TECRL: variants seen among roughly 807,000 people sequenced by gnomAD.
TECRL encodes trans-2,3-enoyl-CoA reductase-like.
Under a neutral mutation model 52.8 loss-of-function variants are expected in TECRL, and 63 were observed. The observed-to-expected ratio is 1.19, with a 90% confidence interval of 0.97 to 1.47. The LOEUF (loss-of-function observed/expected upper bound fraction) is 1.47, where lower values mean the gene tolerates loss of function less well. Among genes scored for constraint, TECRL ranks in the 40% most tolerant of loss-of-function variants. TECRL has a pLI of 0.00. For missense variants in TECRL, 482 were observed against 429.6 expected, an observed-to-expected ratio of 1.12 and a Z score of -1.08; for synonymous variants, 164 against 141.9, an observed-to-expected ratio of 1.16 and a Z score of -1.10.
chr4:64,312,908 CTT>C (rs917217005), intron 5 of TECRL, among the ~76,000 whole-genome samples: 14 of 152,258 alleles, frequency 9.2e-5, no homozygotes, highest in African/African-American at 1.2e-4. Flanking sequence ...CTTCCAATCT[CTT>C]TATCCCAGCC....
intron 1 of TECRL, among the ~76,000 whole-genome samples, chr4:64,395,228 A>AT (rs1329966502): frequency 6.6e-6 from 1 of 151,960 alleles, no homozygotes; most frequent in Non-Finnish European, 1.5e-5. Flanking sequence ...CCAAACGTGA[A>AT]TTTTTTTAAG....
intron 8 of TECRL, among the ~76,000 whole-genome samples, chr4:64,294,749 T>A (rs1723585417): frequency 6.6e-6 from 1 of 152,080 alleles, no homozygotes; most frequent in African/African-American, 2.4e-5. Context: ...TTATTATTAT[T>A]TTATCTATAG....
At chr4:64,399,859 G>T (rs1276637215) in intron 1 of TECRL, among the ~76,000 whole-genome samples, 6 of 152,158 alleles carry the variant, frequency 3.9e-5, no homozygotes, top group African/African-American at 1.2e-4. Context: ...ACCTCTACTA[G>T]GGCAGTGGGA....
chr4:64,324,365 G>T (rs894231345), intron 3 of TECRL, among the ~76,000 whole-genome samples: 1 of 151,592 alleles, frequency 6.6e-6, no homozygotes, highest in South Asian at 2.1e-4. Flanking sequence ...ATACCAAAAT[G>T]GATTAATCTC....
At chr4:64,304,248 T>C (rs1200392306) in intron 7 of TECRL, among the ~76,000 whole-genome samples, 1 of 151,856 alleles carries the variant, frequency 6.6e-6, no homozygotes, top group Non-Finnish European at 1.5e-5. Context: ...AATCAGAAGA[T>C]ATAGGAAATT....
chr4:64,291,513 G>A (rs1382100245), intron 8 of TECRL, among the ~76,000 whole-genome samples: 2 of 151,794 alleles, frequency 1.3e-5, no homozygotes, highest in Non-Finnish European at 2.9e-5. Context: ...AAAGCAAGTT[G>A]TTACCAAAAT....
At chr4:64,277,189 T>C, downstream of TECRL, 1 of 510,830 alleles carries the variant, frequency 2.0e-6, no homozygotes. Flanking sequence ...TAAGGGAGTG[T>C]AGTATAATGG....
chr4:64,277,666 T>C (rs1234126500), downstream of TECRL: 2 of 151,860 alleles, frequency 1.3e-5, no homozygotes, highest in Non-Finnish European at 3.0e-5. Flanking sequence ...TAGTTGTATA[T>C]GTATATATTG....
At chr4:64,355,070 T>C (rs1160591432) in intron 2 of TECRL, among the ~76,000 whole-genome samples, 26 of 152,180 alleles carry the variant, frequency 1.7e-4, no homozygotes, top group Admixed American at 1.7e-3. Flanking sequence ...AGAATTATAA[T>C]TTCACTTATT....
chr4:64,402,555 A>G (rs1332561903), intron 1 of TECRL, among the ~76,000 whole-genome samples: 2 of 152,084 alleles, frequency 1.3e-5, no homozygotes, highest in African/African-American at 4.8e-5. Flanking sequence ...AGGAGTTGTC[A>G]TCTCTTTTGG....
chr4:64,405,350 A>G (rs1724636212), intron 1 of TECRL, among the ~76,000 whole-genome samples: 1 of 152,254 alleles, frequency 6.6e-6, no homozygotes, highest in African/African-American at 2.4e-5. Flanking sequence ...GAGTGCTAGA[A>G]GTAGAAGGGT....
rs147000135 is a variant in TECRL, at chr4:64,351,756, C to G, written c.287-23200G>C. Among the ~76,000 whole-genome samples the G allele has an allele frequency of 1.6e-3, 240 of 152,164 alleles. 1 individual carries two copies. Among genetic ancestry groups the G allele is most frequent in the African/African-American group, 5.5e-3 (227 of 41,518 alleles). On this transcript the variant is annotated intron_variant, in intron 2 of 11. Transcript: ENST00000381210. Reference sequence around the variant, plus strand: ...AAAGATTTTAAAACATTGTACATGACAAACATTTTTAATAAAAAGCGTGGC... The same window carrying G: ...AAAGATTTTAAAACATTGTACATGAGAAACATTTTTAATAAAAAGCGTGGC...
intron 10 of TECRL, 66 bp downstream of exon 10, chr4:64,281,408 A>T: frequency 1.1e-6 from 1 of 927,496 alleles, no homozygotes; most frequent in African/African-American, 1.7e-5. Context: ...ACATGTAAAT[A>T]CATAAGCACA....
intron 8 of TECRL, among the ~76,000 whole-genome samples, chr4:64,291,816 G>A (rs1237198939): frequency 6.6e-6 from 1 of 151,832 alleles, no homozygotes; most frequent in Non-Finnish European, 1.5e-5. Flanking sequence ...CAAAAAATAT[G>A]AGAGAGAAAG....
intron 9 of TECRL, among the ~76,000 whole-genome samples, chr4:64,288,389 T>A (rs1266393874): frequency 1.3e-5 from 2 of 152,098 alleles, no homozygotes; most frequent in Admixed American, 6.6e-5. Context: ...GAGAAGTTGC[T>A]GAAGAACTCA....
chr4:64,276,862 C>T, downstream of TECRL: 1 of 400,736 alleles, frequency 2.5e-6, no homozygotes, highest in Non-Finnish European at 4.5e-6. Context: ...CACACATACC[C>T]ATATACATAT....
chr4:64,360,667 C>G (rs1721115670), intron 2 of TECRL, among the ~76,000 whole-genome samples: 2 of 152,002 alleles, frequency 1.3e-5, no homozygotes, highest in Admixed American at 1.3e-4. Context: ...GACACAGATC[C>G]TGGGTTAAAA....
chr4:64,380,146 T>C (rs1452889219), intron 1 of TECRL, among the ~76,000 whole-genome samples: 1 of 152,088 alleles, frequency 6.6e-6, no homozygotes, highest in Non-Finnish European at 1.5e-5. Flanking sequence ...TCCCTTATGT[T>C]AGTGATGTTG....
intron 1 of TECRL, among the ~76,000 whole-genome samples, chr4:64,398,581 C>T (rs1724128500): frequency 6.6e-6 from 1 of 152,120 alleles, no homozygotes; most frequent in Non-Finnish European, 1.5e-5. Context: ...GGTGCCATGC[C>T]ACTATACTTC....
Sources: allele counts gnomAD v4.1 joint callset (sites outside exome capture counted in the v4.1 genomes callset), GRCh38; gene constraint gnomAD v4.1.1; transcripts MANE v1.5; gene names NCBI Gene and HGNC (gene_info 2026-07-23, HGNC 2026-07-21).